BCAS1: variants seen among roughly 807,000 people sequenced by gnomAD.
BCAS1 encodes the protein brain enriched myelin associated protein 1.
In BCAS1, 46 loss-of-function variants were observed where a neutral mutation model predicts 65.4. That is an observed-to-expected ratio of 0.70 (90% CI 0.55 to 0.90). The LOEUF is 0.90. Ranked by LOEUF, BCAS1 falls within the 40% of genes least tolerant of loss-of-function variation. BCAS1 has a pLI of 0.00. For missense variants in BCAS1, 793 were observed against 771.2 expected, an observed-to-expected ratio of 1.03 and a Z score of -0.33; for synonymous variants, 298 against 293.5, an observed-to-expected ratio of 1.02 and a Z score of -0.16.
chr20:53,972,557 T>G (rs774188812), intron 9 of BCAS1, among the ~76,000 whole-genome samples: 1 of 152,254 alleles, frequency 6.6e-6, no homozygotes, highest in African/African-American at 2.4e-5. Flanking sequence ...GGAATTAGCA[T>G]GGCTGTGTTC....
chr20:54,035,135 G>A (rs1163307105), intron 3 of BCAS1, among the ~76,000 whole-genome samples: 2 of 151,012 alleles, frequency 1.3e-5, no homozygotes, highest in South Asian at 2.1e-4. Flanking sequence ...AAAATCGGCC[G>A]GGCTTGGTGG....
At chr20:53,975,343 C>T (rs751810717) in intron 9 of BCAS1, 46 bp downstream of exon 9, 8 of 1,570,626 alleles carry the variant, frequency 5.1e-6, no homozygotes, top group South Asian at 4.5e-5. Flanking sequence ...TACAACATGG[C>T]GGAAGATGAG....
intron 12 of BCAS1, among the ~76,000 whole-genome samples, chr20:53,945,228 C>T (rs536406161): frequency 1.3e-5 from 2 of 152,174 alleles, no homozygotes; most frequent in South Asian, 2.1e-4. Flanking sequence ...CATCTCTTTG[C>T]GCTTTGGTTT....
intron 1 of BCAS1, among the ~76,000 whole-genome samples, chr20:54,063,639 T>C (rs1438583328): frequency 1.3e-5 from 2 of 152,162 alleles, no homozygotes; most frequent in East Asian, 3.9e-4. Flanking sequence ...GGAGTGAGGA[T>C]GCTCTAGGAC....
At chr20:54,027,622 T>C (rs916069614) in intron 4 of BCAS1, among the ~76,000 whole-genome samples, 28 of 152,216 alleles carry the variant, frequency 1.8e-4, no homozygotes, top group African/African-American at 6.5e-4. Flanking sequence ...TATCAAGTTT[T>C]ACTTCCTTCT....
At chr20:53,987,132 A>G (rs1213780307) in intron 7 of BCAS1, among the ~76,000 whole-genome samples, 1 of 152,162 alleles carries the variant, frequency 6.6e-6, no homozygotes, top group East Asian at 1.9e-4. Flanking sequence ...AATAACATGA[A>G]TTTTACTATT....
intron 3 of BCAS1, among the ~76,000 whole-genome samples, chr20:54,043,764 C>A (rs747272242): frequency 2.0e-5 from 3 of 152,154 alleles, no homozygotes; most frequent in Admixed American, 2.0e-4. Context: ...ACAGAAACTG[C>A]ACATCTAACC....
At chr20:53,956,917 A>AC (rs1167726235) in intron 11 of BCAS1, among the ~76,000 whole-genome samples, 6 of 152,000 alleles carry the variant, frequency 3.9e-5, no homozygotes, top group Middle Eastern at 6.8e-3. Context: ...AAACTGTGTG[A>AC]CCCCCCGACT....
chr20:54,000,808 T>C (rs6091803), intron 4 of BCAS1, among the ~76,000 whole-genome samples: 34,642 of 152,104 alleles, frequency 0.23, 4,434 homozygotes, highest in African/African-American at 0.36. Flanking sequence ...CACACTGTAG[T>C]TTTTATCTCT....
At chr20:53,991,312 TTTCTC>T (rs1482184525) in intron 7 of BCAS1, among the ~76,000 whole-genome samples, 6 of 152,206 alleles carry the variant, frequency 3.9e-5, no homozygotes, top group Non-Finnish European at 7.3e-5. Context: ...TCCCCATTCT[TTTCTC>T]TTCACAGAAC....
intron 4 of BCAS1, among the ~76,000 whole-genome samples, chr20:54,010,674 T>C (rs1209560678): frequency 1.3e-5 from 2 of 152,210 alleles, no homozygotes; most frequent in African/African-American, 2.4e-5. Context: ...CCCAAATTGA[T>C]ATACAGGTTT....
intron 6 of BCAS1, among the ~76,000 whole-genome samples, chr20:53,993,661 G>C (rs899875269): frequency 1.3e-5 from 2 of 152,156 alleles, no homozygotes; most frequent in African/African-American, 4.8e-5. Context: ...CCACTGTTTA[G>C]AGCCTTTTAC....
intron 1 of BCAS1, among the ~76,000 whole-genome samples, chr20:54,061,246 G>A (rs926094061): frequency 6.6e-6 from 1 of 152,082 alleles, no homozygotes; most frequent in African/African-American, 2.4e-5. Context: ...CCTAACCACC[G>A]GAATGTTCTG....
At chr20:54,053,456 C>T (rs1327792243) in intron 3 of BCAS1, among the ~76,000 whole-genome samples, 4 of 151,964 alleles carry the variant, frequency 2.6e-5, no homozygotes, top group East Asian at 1.9e-4. Flanking sequence ...CACATTGTAT[C>T]GAAAGACAAA....
chr20:53,945,196 A>C (rs1353856878), intron 12 of BCAS1, among the ~76,000 whole-genome samples, 200 bp from the exon 13 acceptor site: 2 of 152,162 alleles, frequency 1.3e-5, no homozygotes, highest in Non-Finnish European at 2.9e-5. Context: ...TAGCTTTGTG[A>C]AATCTTGGAC....
At chr20:54,064,509 A>G (rs2092412533) in intron 1 of BCAS1, among the ~76,000 whole-genome samples, 1 of 152,122 alleles carries the variant, frequency 6.6e-6, no homozygotes, top group Non-Finnish European at 1.5e-5. Flanking sequence ...AAATCAAGAG[A>G]ACTGTCCTGG....
intron 1 of BCAS1, among the ~76,000 whole-genome samples, chr20:54,062,115 A>G (rs459044): frequency 0.63 from 96,170 of 152,082 alleles, 31,191 homozygotes; most frequent in African/African-American, 0.76. Context: ...TAATGGCAGA[A>G]CTGAGTAGTT....
At chr20:54,016,297 C>A (rs374750252) in intron 4 of BCAS1, among the ~76,000 whole-genome samples, 1 of 152,088 alleles carries the variant, frequency 6.6e-6, no homozygotes, top group East Asian at 1.9e-4. Context: ...AAATATTGAT[C>A]ATGTTCTCAA....
chr20:54,015,652 G>A (rs1184130960), intron 4 of BCAS1, among the ~76,000 whole-genome samples: 1 of 152,142 alleles, frequency 6.6e-6, no homozygotes, highest in African/African-American at 2.4e-5. Flanking sequence ...TTAGCTATAA[G>A]TATATTTAAA....
Sources: gnomAD v4.1 joint callset for allele counts (sites outside exome capture counted in the v4.1 genomes callset) on GRCh38, gnomAD v4.1.1 for gene constraint, MANE v1.5 for transcripts, NCBI Gene and HGNC (gene_info 2026-07-23, HGNC 2026-07-21) for gene names.